The following C8orf88 variants were observed in gnomAD, a reference collection of about 807,000 sequenced individuals.
C8orf88 encodes the protein uncharacterized protein C8orf88.
C8orf88 carries 14 observed loss-of-function variants against 18.4 expected under a neutral mutation model. That is an observed-to-expected ratio of 0.76 (90% CI 0.50 to 1.19). The LOEUF is 1.19. Ranked by LOEUF, C8orf88 falls within the 50% of genes most tolerant of loss-of-function variation. The pLI is 0.00. For missense variants in C8orf88, 116 were observed against 134.7 expected, an observed-to-expected ratio of 0.86 and a Z score of 0.69; for synonymous variants, 45 against 42.9, an observed-to-expected ratio of 1.05 and a Z score of -0.19.
At chr8:90,980,925 A>G (rs995747349) in intron 1 of C8orf88, among the ~76,000 whole-genome samples, 2 of 151,778 alleles carry the variant, frequency 1.3e-5, no homozygotes, top group Non-Finnish European at 2.9e-5. Flanking sequence ...TTTGTTTCCT[A>G]TTTCTTCGAT....
intron 4 of C8orf88, among the ~76,000 whole-genome samples, chr8:90,963,256 A>G (rs567744492): frequency 2.0e-4 from 31 of 151,862 alleles, no homozygotes; most frequent in African/African-American, 7.0e-4. Flanking sequence ...ATGCATGACA[A>G]AGAATATAGA....
At chr8:90,976,096 T>A (rs1811345884) in intron 3 of C8orf88, among the ~76,000 whole-genome samples, 1 of 151,842 alleles carries the variant, frequency 6.6e-6, no homozygotes, top group South Asian at 2.1e-4. Context: ...AGCGGATCAG[T>A]GGATGTGTGG....
chr8:90,959,103 A>T, intron 5 of C8orf88, 73 bp from the exon 6 acceptor site: 1 of 686,466 alleles, frequency 1.5e-6, no homozygotes, highest in Non-Finnish European at 2.4e-6. Flanking sequence ...TATCAAACCA[A>T]ATACTGTGAA....
intron 4 of C8orf88, among the ~76,000 whole-genome samples, chr8:90,964,799 T>C (rs1811172247): frequency 6.6e-6 from 1 of 151,584 alleles, no homozygotes; most frequent in Admixed American, 6.6e-5. Context: ...TTATATAACA[T>C]TGGAACTAAG....
At chr8:90,983,711 A>C (rs764480119) in intron 1 of C8orf88, among the ~76,000 whole-genome samples, 5 of 152,126 alleles carry the variant, frequency 3.3e-5, no homozygotes, top group Non-Finnish European at 7.4e-5. Context: ...TATTAGTCCC[A>C]CTTCACAGAT....
At chr8:90,971,030 T>G (rs1811274026) in intron 4 of C8orf88, 36 bp downstream of exon 4, 1 of 1,246,798 alleles carries the variant, frequency 8.0e-7, no homozygotes, top group East Asian at 2.6e-5. Context: ...GCTAAGACAT[T>G]CAATGATAAA....
Position 90,978,627 on chromosome 8 carries a change from T to A in C8orf88, c.99A>T (p.Gln33His). ...PPGAVFPFNF[Q>H]NEYPCNTQCI... ...ACTGAGTGTTGCATGGATATTCGTT[T>A]TGAAAGTTGAAAGGGAACACTGCTC... Residue 33 changes from glutamine to histidine, a missense_variant, in exon 3 of 6, where the codon CAA (glutamine) becomes CAT (histidine). Coordinates refer to ENST00000517562, the MANE Select transcript of C8orf88 (RefSeq NM_001190972.2). The A allele has an allele frequency of 2.0e-6, 3 of 1,529,806 alleles. No homozygotes were observed. The highest frequency in any genetic ancestry group is 2.6e-6 in the Non-Finnish European group (3 of 1,143,372). The allele number at this position is 1,529,806 out of a possible 1,614,324, so 94.8% of individuals were successfully genotyped here. A position where few individuals can be genotyped will look rare whatever the true frequency, so the allele number is the denominator to read the frequency against.
chr8:90,978,002 T>A (rs942599518), intron 3 of C8orf88, among the ~76,000 whole-genome samples: 1 of 151,964 alleles, frequency 6.6e-6, no homozygotes, highest in Non-Finnish European at 1.5e-5. Context: ...AGTATCTAGG[T>A]AAGAAACTGG....
At chr8:90,972,408 T>A (rs187460549) in intron 3 of C8orf88, among the ~76,000 whole-genome samples, 297 of 149,856 alleles carry the variant, frequency 2.0e-3, no homozygotes, top group Non-Finnish European at 3.3e-3. Context: ...AAAATGGTAT[T>A]CTAAAAATTA....
At chr8:90,961,721 C>CTAAG (rs1388367700) in intron 4 of C8orf88, among the ~76,000 whole-genome samples, 1 of 150,898 alleles carries the variant, frequency 6.6e-6, no homozygotes, top group Non-Finnish European at 1.5e-5. Context: ...CTTTTTTTCT[C>CTAAG]TAAGTTTTAT....
At chr8:90,966,024 T>A (rs557030385) in intron 4 of C8orf88, among the ~76,000 whole-genome samples, 18 of 151,056 alleles carry the variant, frequency 1.2e-4, no homozygotes, top group African/African-American at 4.1e-4. Flanking sequence ...ATAATAAAGA[T>A]CAGAGTGAAG....
rs76919322 is a variant in C8orf88, at chr8:90,979,822, A to T, written c.73+541T>A. ...GGAATTTCTCCAAAAGAATAGCTTC[A>T]TGGGCAAAAGAAAAACATTTTAGAA... On this transcript the variant is annotated intron_variant, in intron 2 of 5. Transcript: ENST00000517562. Among the ~76,000 whole-genome samples the T allele has an allele frequency of 2.1e-4, 32 of 152,320 alleles. 1 individual carries two copies. In the East Asian group the frequency reaches 5.2e-3, roughly 25 times the overall value.
At chr8:90,962,321 A>C (rs1811138901) in intron 4 of C8orf88, among the ~76,000 whole-genome samples, 1 of 151,706 alleles carries the variant, frequency 6.6e-6, no homozygotes, top group African/African-American at 2.4e-5. Context: ...GTACTTGAGC[A>C]AAATGAGGAC....
At chr8:90,959,141 C>T (rs1275707216) in intron 5 of C8orf88, 111 bp from the exon 6 acceptor site, 6 of 502,966 alleles carry the variant, frequency 1.2e-5, no homozygotes, top group Non-Finnish European at 2.1e-5. Context: ...GATTTAAATG[C>T]ATGTTACCAT....
chr8:90,966,954 T>C (rs1456925945), intron 4 of C8orf88, among the ~76,000 whole-genome samples: 1 of 151,932 alleles, frequency 6.6e-6, no homozygotes, highest in Non-Finnish European at 1.5e-5. Flanking sequence ...GGTCAAACCA[T>C]CCTAATTGGG....
At chr8:90,960,944 T>A in intron 4 of C8orf88, 96 bp from the exon 5 acceptor site, 1 of 595,294 alleles carries the variant, frequency 1.7e-6, no homozygotes, top group Non-Finnish European at 2.8e-6. Flanking sequence ...CTATTCATTA[T>A]ATAAAATGAT....
intron 5 of C8orf88, among the ~76,000 whole-genome samples, chr8:90,959,995 C>T (rs1050473883): frequency 6.6e-6 from 1 of 151,320 alleles, no homozygotes; most frequent in Non-Finnish European, 1.5e-5. Flanking sequence ...GATTATCATC[C>T]TTATCAGCAA....
At position 90,978,515 on chromosome 8, in the gene C8orf88, C is replaced by T. The variant is rs2130322767; in HGVS notation, c.147+64G>A. On this transcript the variant is annotated intron_variant, in intron 3 of 5. Transcript: ENST00000517562. ...AAGCATAGTATCTGGCACACAATAG[C>T]CATCTAACACATGTTACTTTCCAAT... The T allele has an allele frequency of 5.3e-6, 5 of 945,324 alleles. No homozygotes were observed. The South Asian group carries it at 7.3e-5, about 14-fold the overall frequency. The allele number at this position is 945,324 out of a possible 1,614,324, so 58.6% of individuals were successfully genotyped here.
At chr8:90,962,496 C>T (rs1811141858) in intron 4 of C8orf88, among the ~76,000 whole-genome samples, 1 of 151,286 alleles carries the variant, frequency 6.6e-6, no homozygotes, top group Non-Finnish European at 1.5e-5. Context: ...GACTCTAACC[C>T]AAAGCCTGTA....
Sources: gnomAD v4.1 joint callset for allele counts (sites outside exome capture counted in the v4.1 genomes callset) on GRCh38, gnomAD v4.1.1 for gene constraint, MANE v1.5 for transcripts, NCBI Gene and HGNC (gene_info 2026-07-23, HGNC 2026-07-21) for gene names.